The following INTS8 variants were observed in gnomAD, a reference collection of about 807,000 sequenced individuals.
INTS8 encodes protein kaonashi-1.
In INTS8, 47 loss-of-function variants were observed where a neutral mutation model predicts 138.9. The ratio of observed to expected loss-of-function variants is 0.34; its 90% CI spans 0.27 to 0.43. The LOEUF is 0.43. INTS8 is among the 20% of genes least tolerant of loss of function. The pLI, the probability that INTS8 is intolerant of heterozygous loss-of-function variation, is 1.00. For missense variants in INTS8, 996 were observed against 1,173.0 expected (o/e 0.85, Z 2.20); for synonymous variants, 392 against 400.9 (o/e 0.98, Z 0.27).
intron 16 of INTS8, among the ~76,000 whole-genome samples, chr8:94,861,233 TC>T (rs1256207746): frequency 1.3e-5 from 2 of 150,450 alleles, no homozygotes; most frequent in Non-Finnish European, 3.0e-5. Context: ...ATTGATTTCT[TC>T]AGTTTTTCCC....
At chr8:94,855,635 T>C (rs1438706630) in intron 14 of INTS8, among the ~76,000 whole-genome samples, 1 of 152,236 alleles carries the variant, frequency 6.6e-6, no homozygotes, top group East Asian at 1.9e-4. Flanking sequence ...GAAGGTATTA[T>C]CTCAGTTTTA....
At chr8:94,876,411 A>G in intron 25 of INTS8, 35 bp from the exon 26 acceptor site, 1 of 1,420,718 alleles carries the variant, frequency 7.0e-7, no homozygotes, top group African/African-American at 1.4e-5. Context: ...TATATTTAAT[A>G]CTATCAGATT....
intron 17 of INTS8, 112 bp from the exon 18 acceptor site, chr8:94,866,046 C>A: frequency 1.7e-6 from 1 of 573,862 alleles, no homozygotes; most frequent in Non-Finnish European, 3.2e-6. Flanking sequence ...CATTCCTTTT[C>A]ACACTTGCAG....
intron 13 of INTS8, 49 bp from the exon 14 acceptor site, chr8:94,853,756 T>C (rs1416013194): frequency 1.1e-6 from 1 of 945,840 alleles, no homozygotes; most frequent in African/African-American, 1.6e-5. Flanking sequence ...TATCTAGATT[T>C]GGCTTCCTCT....
Position 94,881,712 on chromosome 8 carries a change from C to T in INTS8, c.*1478C>T. The T allele has an allele frequency of 6.2e-7, 1 of 1,613,808 alleles. No homozygotes were observed. The highest frequency in any genetic ancestry group is 8.5e-7 in the Non-Finnish European group (1 of 1,179,844). On this transcript the variant is annotated 3_prime_UTR_variant, in exon 27 of 27. Transcript: ENST00000523731. The stretch of plus-strand genomic sequence containing the variant: ...TTGCACACTGGTGACAACTGTCCCC[C>T]TTTTCTGAAGGTGTTTATGTAATTT...
chr8:94,862,562 C>G (rs1472024872), intron 16 of INTS8, among the ~76,000 whole-genome samples: 1 of 152,132 alleles, frequency 6.6e-6, no homozygotes, highest in Non-Finnish European at 1.5e-5. Flanking sequence ...TTGTTGGTTG[C>G]CTAACTCTGG....
In INTS8 at chr8:94,865,814, G is replaced by A. The variant is rs913994754; in HGVS notation, c.2261+124G>A. The A allele has an allele frequency of 6.4e-6, 6 of 931,736 alleles. No individual in the cohort carries two copies. In the South Asian group the frequency reaches 7.1e-5, roughly 11 times the overall value. The allele number at this position is 931,736 out of a possible 1,614,324, so 57.7% of individuals were successfully genotyped here. A position where few individuals can be genotyped will look rare whatever the true frequency, so the allele number is the denominator to read the frequency against. ...TTTTATTCTGTATATCATAAAGTTG[G>A]ACAATCTTACGAGTTCTGTAGTACT... On this transcript the variant is annotated intron_variant, in intron 17 of 26. Transcript: ENST00000523731.
chr8:94,868,419 CT>C (rs1036403858), intron 20 of INTS8, among the ~76,000 whole-genome samples: 4 of 152,148 alleles, frequency 2.6e-5, no homozygotes, highest in African/African-American at 9.7e-5. Context: ...CCGTCTCAAT[CT>C]TAGAGATTGG....
At chr8:94,859,665 A>G (rs1306809411) in intron 16 of INTS8, 33 bp downstream of exon 16, 1 of 1,546,436 alleles carries the variant, frequency 6.5e-7, no homozygotes. Flanking sequence ...GATTGTTAGG[A>G]TGGTATTATT....
intron 6 of INTS8, 46 bp from the exon 7 acceptor site, chr8:94,836,478 G>C: frequency 3.4e-6 from 5 of 1,451,064 alleles, no homozygotes; most frequent in Non-Finnish European, 4.8e-6. Context: ...CACCTCTTAA[G>C]TACCTGAGAA....
chr8:94,823,347 T>A lies in INTS8; in HGVS notation c.-85T>A. On this transcript the variant is annotated 5_prime_UTR_variant, in exon 1 of 27. Coordinates refer to ENST00000523731, the MANE Select transcript of INTS8 (RefSeq NM_017864.4). ...GAGGGTGGCCTCTCTCCCACCGGGT[T>A]CCGCATACCCCAGGCACCGGCCCGC... 1.3e-6 allele frequency: 2 copies of A among 1,509,144 alleles called. No individual in the cohort carries two copies. The highest frequency in any genetic ancestry group is 1.8e-6 in the Non-Finnish European group (2 of 1,132,484). The allele number at this position is 1,509,144 out of a possible 1,614,324, so 93.5% of individuals were successfully genotyped here.
chr8:94,845,149 C>G (rs561970022), intron 10 of INTS8, among the ~76,000 whole-genome samples: 1 of 151,936 alleles, frequency 6.6e-6, no homozygotes, highest in African/African-American at 2.4e-5. Flanking sequence ...TTTAAGAAAG[C>G]TTTTTCCTAT....
intron 1 of INTS8, 39 bp downstream of exon 1, chr8:94,823,600 C>A: frequency 6.8e-7 from 1 of 1,464,986 alleles, no homozygotes; most frequent in Non-Finnish European, 9.2e-7. Flanking sequence ...GGGACCCGGC[C>A]ACCGGCGCTG....
chr8:94,871,938 A>T lies in INTS8; in HGVS notation c.2469A>T (p.Arg823=). 1 of 1,610,366 alleles carries T rather than the reference A, an allele frequency of 6.2e-7. No individual in the cohort carries two copies. The highest frequency in any genetic ancestry group is 1.1e-5 in the South Asian group (1 of 90,844). The change falls in exon 21 of 27, where the codon CGA becomes CGT. Residue 823 remains arginine, a synonymous_variant. Coordinates refer to ENST00000523731, the MANE Select transcript of INTS8 (RefSeq NM_017864.4). The stretch of plus-strand genomic sequence containing the variant: ...CAATCACAGTGAAAGAGCTAGTTCG[A>T]TATACACTCAGTATAAATCCAAATA... ...AVAITVKELV[R]YTLSINPNNH...
chr8:94,859,490 GTTTTC>G lies in INTS8; in HGVS notation c.1955-18_1955-14del. The G allele has an allele frequency of 4.4e-6, 7 of 1,608,836 alleles. No individual in the cohort carries two copies. Among genetic ancestry groups the G allele is most frequent in the Non-Finnish European group, 5.9e-6 (7 of 1,176,552 alleles). The stretch of plus-strand genomic sequence containing the variant: ...TAATGTTGTGATGGTAATTCCAACT[GTTTTC>G]TTCTTTGCTTTTTAGATATTCCTCT... On this transcript the variant is annotated splice_polypyrimidine_tract_variant and intron_variant, in intron 15 of 26. Coordinates refer to ENST00000523731, the MANE Select transcript of INTS8 (RefSeq NM_017864.4).
Position 94,876,131 on chromosome 8 carries a change from C to T in INTS8, c.2746C>T (p.Leu916=). The part of the protein sequence containing the change: ...EIDYKTAFKS[L]QEQNSHDAMD... The stretch of plus-strand genomic sequence containing the variant: ...TGACTACAAAACAGCGTTTAAATCT[C>T]TGCAAGAACAAAACAGGTATGAATA... The change falls in exon 24 of 27, where the codon CTG becomes TTG. Residue 916 remains leucine, a synonymous_variant. Coordinates refer to ENST00000523731, the MANE Select transcript of INTS8 (RefSeq NM_017864.4). 2.5e-6 allele frequency: 4 copies of T among 1,611,112 alleles called. No homozygotes were observed. Among genetic ancestry groups the T allele is most frequent in the Non-Finnish European group, 3.4e-6 (4 of 1,177,558 alleles).
intron 8 of INTS8, 97 bp downstream of exon 8, chr8:94,838,715 G>A (rs10956927): frequency 0.17 from 152,189 of 912,500 alleles, 13,950 homozygotes; most frequent in Middle Eastern, 0.25. Context: ...GCGTTTTGGG[G>A]CAAGTCATTT....
intron 16 of INTS8, among the ~76,000 whole-genome samples, chr8:94,862,716 T>A: frequency 6.6e-6 from 1 of 152,178 alleles, no homozygotes; most frequent in East Asian, 1.9e-4. Flanking sequence ...CCACCTTCCA[T>A]ACATAATTGG....
chr8:94,836,431 C>T, intron 6 of INTS8, 93 bp from the exon 7 acceptor site: 4 of 901,616 alleles, frequency 4.4e-6, no homozygotes, highest in Admixed American at 4.8e-5. Context: ...GTCTTTTTTT[C>T]TGTGTTTTCG....
Sources: gnomAD v4.1 joint callset for allele counts (sites outside exome capture counted in the v4.1 genomes callset) on GRCh38, gnomAD v4.1.1 for gene constraint, MANE v1.5 for transcripts, NCBI Gene and HGNC (gene_info 2026-07-23, HGNC 2026-07-21) for gene names.